TBC1D10B: variants seen among roughly 807,000 people sequenced by gnomAD.
TBC1D10B encodes the protein Rab27A-GAPbeta.
A neutral mutation model predicts 78.4 loss-of-function variants in TBC1D10B; 25 were observed. The observed-to-expected ratio is 0.32, with a 90% confidence interval of 0.23 to 0.45. The LOEUF (loss-of-function observed/expected upper bound fraction) is 0.45. Among genes scored for constraint, TBC1D10B ranks in the 20% least tolerant of loss-of-function variants. The pLI is 1.00. For synonymous variants in TBC1D10B, 517 were observed against 478.0 expected (o/e 1.08, Z -1.06); for missense variants, 996 against 1,104.8 (o/e 0.90, Z 1.40).
Position 30,357,936 on chromosome 16 carries a change from G to A in TBC1D10B, c.*8C>T. The A allele has an allele frequency of 1.3e-6, 2 of 1,548,048 alleles. No homozygotes were observed. The highest frequency in any genetic ancestry group is 1.7e-6 in the Non-Finnish European group (2 of 1,145,274). On this transcript the variant is annotated 3_prime_UTR_variant, in exon 9 of 9. Transcript: ENST00000409939. ...GGGGGGCCATGCAGTCCAGCCCCAG[G>A]GCAGAGGTCAGAAGTAAGCGTCCTG... is the stretch of plus-strand genomic sequence containing the variant.
At position 30,358,340 on chromosome 16, in the gene TBC1D10B, C is replaced by T. The variant is rs764095736; in HGVS notation, c.2031G>A (p.Pro677=). 9 of 1,560,094 alleles carry T rather than the reference C, an allele frequency of 5.8e-6. No homozygotes were observed. In the Admixed American group the frequency reaches 9.5e-5, roughly 17 times the overall value. ...CTCTGCGGACGGGGGGCGGCGGGGA[C>T]GGGGCCCCTCCAGCTGCCCGGGAGC... The part of the protein sequence containing the change: ...SRGSRAAGGA[P]SPPPPVRRAS... The change falls in exon 9 of 9, where the codon CCG becomes CCA. Residue 677 remains proline (P), a synonymous_variant. Transcript: ENST00000409939.
In TBC1D10B at chr16:30,358,717, C is replaced by T. The variant is rs1045148607; in HGVS notation, c.1743G>A (p.Glu581=). The T allele has an allele frequency of 1.2e-5, 20 of 1,611,046 alleles. No individual in the cohort carries two copies. Among genetic ancestry groups the T allele is most frequent in the Non-Finnish European group, 1.6e-5 (19 of 1,178,554 alleles). The change falls in exon 8 of 9, where the codon GAG becomes GAA. Residue 581 remains glutamate, a synonymous_variant. Transcript: ENST00000409939. ...ACTGCTGGGGCAGGTTACGCAGCTG[C>T]TCCATGGTCTCATACATGCCTTGGC... The part of the protein sequence containing the change: ...RSCQGMYETM[E]QLRNLPQQCM...
In TBC1D10B at chr16:30,369,095, G is replaced by T; in HGVS notation, c.956+133C>A. 1 of 939,690 alleles carries T rather than the reference G, an allele frequency of 1.1e-6. No individual in the cohort carries two copies. The highest frequency in any genetic ancestry group is 1.6e-6 in the Non-Finnish European group (1 of 640,878). The allele number at this position is 939,690 out of a possible 1,614,324, so 58.2% of individuals were successfully genotyped here. The stretch of plus-strand genomic sequence containing the variant: ...CAGGATGCTCAAGACACGGCAGCTC[G>T]CGCTGATCACCCCGTGGATCCTCAG... On this transcript the variant is annotated intron_variant, in intron 1 of 8. Transcript: ENST00000409939. This position sits in a 1 kb window ranked among gnomAD's most constrained non-coding sequence, Gnocchi z 4.3.
rs2049564852 is a variant in TBC1D10B, at chr16:30,357,896, T to C, written c.*48A>G. 2.6e-6 allele frequency: 4 copies of C among 1,519,370 alleles called. No homozygotes were observed. Among genetic ancestry groups the C allele is most frequent in the African/African-American group, 1.4e-5 (1 of 72,282 alleles). 94.1% of individuals were successfully genotyped at this position (1,519,370 alleles called of 1,614,324 possible). On this transcript the variant is annotated 3_prime_UTR_variant, in exon 9 of 9. Coordinates refer to ENST00000409939, the MANE Select transcript of TBC1D10B (RefSeq NM_015527.4). ...TGGCACCTTGGGCCAGGCCTGTTCTTGGCTGAGGGAAAGAGGGGGGCCATG... is the reference window on the plus strand; with the variant it reads ...TGGCACCTTGGGCCAGGCCTGTTCTCGGCTGAGGGAAAGAGGGGGGCCATG...
Position 30,358,255 on chromosome 16 carries a change from G to C in TBC1D10B, c.2116C>G (p.Pro706Ala). Residue 706 changes from proline (P) to alanine (A), a missense_variant, in exon 9 of 9, where the codon CCC becomes GCC. Around this residue, in one of 5 missense-constraint regions of TBC1D10B, gnomAD observed 285 missense variants for 252.5 expected, o/e 1.13. Coordinates refer to ENST00000409939, the MANE Select transcript of TBC1D10B (RefSeq NM_015527.4). The part of the protein sequence containing the change: ...VTAEGLHPSL[P>A]SPTGNSTPLG... ...GGGGTGCTATTGCCAGTGGGTGAGG[G>C]AAGGGATGGATGCAGTCCCTCAGCA... The C allele has an allele frequency of 1.3e-6, 2 of 1,572,084 alleles. No homozygotes were observed. The highest frequency in any genetic ancestry group is 1.7e-6 in the Non-Finnish European group (2 of 1,158,606).
chr16:30,367,201 AAAACAAAAC>A (rs1286413533), intron 1 of TBC1D10B: 2 of 152,266 alleles, frequency 1.3e-5, no homozygotes, highest in African/African-American at 4.8e-5. Context: ...TCTCAAAAAC[AAAACAAAAC>A]AAAACAAAAC....
Position 30,357,641 on chromosome 16 carries a change from C to T in TBC1D10B, c.*303G>A, listed in dbSNP as rs1424749340. 2 of 452,824 alleles carry T rather than the reference C, an allele frequency of 4.4e-6. No individual in the cohort carries two copies. The highest frequency in any genetic ancestry group is 7.0e-5 in the East Asian group (2 of 28,478). 28.1% of individuals were successfully genotyped at this position (452,824 alleles called of 1,614,324 possible). On this transcript the variant is annotated 3_prime_UTR_variant, in exon 9 of 9. Transcript: ENST00000409939. The stretch of plus-strand genomic sequence containing the variant: ...ACTGCTGACTCCCATCACCAGGAGT[C>T]ACCCCTGGGATGACAACGGGCCATT...
intron 5 of TBC1D10B, 27 bp from the exon 6 acceptor site, chr16:30,359,630 G>C (rs1025099437): frequency 6.4e-7 from 1 of 1,557,170 alleles, no homozygotes; most frequent in African/African-American, 1.4e-5. Context: ...CAAGGAGGAG[G>C]GGTGGGGCCT....
chr16:30,358,323 A>C lies in TBC1D10B; in HGVS notation c.2048T>G (p.Val683Gly). ...GGCAGGCCCAGCACTGGCTCTGCGG[A>C]CGGGGGGCGGCGGGGACGGGGCCCC... Reference protein sequence around the residue: ...AGGAPSPPPPVRRASAGPAPG... With the variant: ...AGGAPSPPPPGRRASAGPAPG... The change falls in exon 9 of 9, where the codon GTC (valine) becomes GGC (glycine). Residue 683 changes from valine (V) to glycine (G), a missense_variant. Physicochemically the swap from Val to Gly is moderately radical, Grantham distance 109 (BLOSUM62 -3). Transcript: ENST00000409939. The C allele has an allele frequency of 6.4e-7, 1 of 1,572,958 alleles. No individual in the cohort carries two copies. Among genetic ancestry groups the C allele is most frequent in the Non-Finnish European group, 8.6e-7 (1 of 1,159,034 alleles).
intron 7 of TBC1D10B, 119 bp downstream of exon 7, chr16:30,359,053 T>C (rs2049581038): frequency 1.5e-6 from 2 of 1,346,498 alleles, no homozygotes; most frequent in Non-Finnish European, 2.0e-6. Context: ...CAGCTGCTTA[T>C]GGTGAAACCT....
intron 4 of TBC1D10B, among the ~76,000 whole-genome samples, chr16:30,361,577 G>A (rs536019537): frequency 2.0e-5 from 3 of 151,492 alleles, no homozygotes; most frequent in Non-Finnish European, 4.4e-5. Context: ...GGCTAATTTT[G>A]TATTTTTAGT....
Position 30,359,722 on chromosome 16 carries a change from C to A in TBC1D10B, c.1386+5G>T. 1 of 1,572,674 alleles carries A rather than the reference C, an allele frequency of 6.4e-7. No homozygotes were observed. The highest frequency in any genetic ancestry group is 1.3e-5 in the African/African-American group (1 of 74,086). ...CCCCTCCCGGCCCAGGACCAGGGCG[C>A]TGACCTCCGCAGGCATGTGCATGAG... On this transcript the variant is annotated splice_donor_5th_base_variant and intron_variant, in intron 5 of 8. Transcript: ENST00000409939.
At chr16:30,360,968 CTGT>C (rs1220138633) in intron 4 of TBC1D10B, among the ~76,000 whole-genome samples, 1 of 151,722 alleles carries the variant, frequency 6.6e-6, no homozygotes, top group African/African-American at 2.4e-5. Flanking sequence ...TACCCACATG[CTGT>C]TATTTGAGTT....
rs1010113028 is a variant in TBC1D10B at position 30,359,617 on chromosome 16, GA to G, written c.1387-15del. 6.4e-7 allele frequency: 1 copy of G among 1,558,298 alleles called. No individual in the cohort carries two copies. Among genetic ancestry groups the G allele is most frequent in the African/African-American group, 1.4e-5 (1 of 73,230 alleles). On this transcript the variant is annotated splice_polypyrimidine_tract_variant and intron_variant, in intron 5 of 8. Transcript: ENST00000409939. ...CCAAAAGGCTTGCTGAGAAGAGCAA[GA>G]ACAAGGAGGAGGGGTGGGGCCTGAG...
rs11646130 is a variant in TBC1D10B, at chr16:30,365,638, T to C, written c.957-44A>G. ...ACGGAAGGGGTCAGTAGCAATAGTG[T>C]AAAACCTGCATTGCAGGGGGAACTG... On this transcript the variant is annotated intron_variant, in intron 1 of 8. Transcript: ENST00000409939. The surrounding 1 kb of genome is among the most constrained non-coding windows in gnomAD (Gnocchi z 5.0). 502,052 of 1,581,906 alleles carry C rather than the reference T, an allele frequency of 0.32. 84,937 individuals carry two copies. Among genetic ancestry groups the C allele is most frequent in the Non-Finnish European group, 0.35 (404,543 of 1,153,764 alleles).
chr16:30,359,522 G>A lies in TBC1D10B; in HGVS notation c.1452+16C>T. On this transcript the variant is annotated intron_variant, in intron 6 of 8. Transcript: ENST00000409939. ...AACGCCACAGCCCCGGATGCACCCA[G>A]CCTCCAGACACTCACCAGCCCTGCA... is the stretch of plus-strand genomic sequence containing the variant. 1 of 1,555,688 alleles carries A rather than the reference G, an allele frequency of 6.4e-7. No homozygotes were observed. Among genetic ancestry groups the A allele is most frequent in the Non-Finnish European group, 8.7e-7 (1 of 1,149,396 alleles).
Position 30,358,347 on chromosome 16 carries a change from C to T in TBC1D10B, c.2024G>A (p.Gly675Glu). The change falls in exon 9 of 9, where the codon GGG (glycine) becomes GAG (glutamate). Residue 675 changes from glycine (G) to glutamate (E), a missense_variant. Transcript: ENST00000409939. Reference protein sequence around the residue: ...LKSRGSRAAGGAPSPPPPVRR... With the variant: ...LKSRGSRAAGEAPSPPPPVRR... ...GACGGGGGGCGGCGGGGACGGGGCC[C>T]CTCCAGCTGCCCGGGAGCCTCGGCT... The T allele has an allele frequency of 6.4e-7, 1 of 1,558,514 alleles. No homozygotes were observed.
rs567193383 is a variant in TBC1D10B at position 30,369,050 on chromosome 16, T to C, written c.956+178A>G. On this transcript the variant is annotated intron_variant, in intron 1 of 8. Transcript: ENST00000409939. The surrounding 1 kb of genome is among the most constrained non-coding windows in gnomAD (Gnocchi z 4.3). The stretch of plus-strand genomic sequence containing the variant: ...CCCCTGGTCTGAAACTCCACTAACA[T>C]GCCAATGTCACAGGCACCTCAGGAT... Among the ~76,000 whole-genome samples the C allele has an allele frequency of 7.2e-5, 11 of 152,342 alleles. No homozygotes were observed. In the East Asian group the frequency reaches 2.1e-3, roughly 29 times the overall value.
chr16:30,358,569 G>T lies in TBC1D10B; in HGVS notation c.1802C>A (p.Thr601Asn). The T allele has an allele frequency of 1.3e-6, 2 of 1,599,176 alleles. No homozygotes were observed. Among genetic ancestry groups the T allele is most frequent in the Non-Finnish European group, 1.7e-6 (2 of 1,168,920 alleles). The change falls in exon 9 of 9, where the codon ACC becomes AAC. Residue 601 changes from threonine to asparagine, a missense_variant. By Grantham distance (65) the Thr-to-Asn change is moderately conservative. Coordinates refer to ENST00000409939, the MANE Select transcript of TBC1D10B (RefSeq NM_015527.4). The stretch of plus-strand genomic sequence containing the variant: ...CAGTGCTTCTGTCACCGGCAGATTG[G>T]TCACCTGCACAGAGAGGAAATGCGT... ...MQEDFLVHEV[T>N]NLPVTEALIE...
Sources: allele counts gnomAD v4.1 joint callset (sites outside exome capture counted in the v4.1 genomes callset), GRCh38; gene constraint gnomAD v4.1.1; regional missense constraint gnomAD v4.1.1; non-coding constraint Gnocchi (gnomAD v3.1); transcripts MANE v1.5; gene names NCBI Gene and HGNC (gene_info 2026-07-23, HGNC 2026-07-21).